The following EFNA5 variants were observed in gnomAD, a reference collection of about 807,000 sequenced individuals.
The protein encoded by EFNA5 is ephrin A5, also known as ephrin-A5.
EFNA5 carries 5 observed loss-of-function variants against 22.9 expected under a neutral mutation model. The ratio of observed to expected loss-of-function variants is 0.22; its 90% CI spans 0.11 to 0.46. The LOEUF is 0.46. EFNA5 is among the 20% of genes least tolerant of loss of function. The pLI, the probability that EFNA5 is intolerant of heterozygous loss-of-function variation, is 0.99. For missense variants in EFNA5, 237 were observed against 293.3 expected (o/e 0.81, Z 1.40); for synonymous variants, 113 against 112.2 (o/e 1.01, Z -0.04).
rs1280732203 is a variant in EFNA5, at chr5:107,670,733, T to C, written c.-120A>G. The C allele has an allele frequency of 2.9e-6, 4 of 1,401,030 alleles. No individual in the cohort carries two copies. Among genetic ancestry groups the C allele is most frequent in the Non-Finnish European group, 3.8e-6 (4 of 1,048,268 alleles). The allele number at this position is 1,401,030 out of a possible 1,614,324, so 86.8% of individuals were successfully genotyped here. A position where few individuals can be genotyped will look rare whatever the true frequency, so the allele number is the denominator to read the frequency against. ...CGGGCGCCAAATAAATATGAATAAA[T>C]AAAAATGAAAGTGGGCGAGAAAGGA... On this transcript the variant is annotated 5_prime_UTR_variant, in exon 1 of 5. Transcript: ENST00000333274.
At chr5:107,457,789 TCTA>T (rs1023203927) in intron 1 of EFNA5, among the ~76,000 whole-genome samples, 13 of 152,188 alleles carry the variant, frequency 8.5e-5, no homozygotes, top group African/African-American at 2.9e-4. Context: ...ACACAATTGT[TCTA>T]CTAATTTAAA....
intron 1 of EFNA5, among the ~76,000 whole-genome samples, chr5:107,502,313 G>A (rs1213450649): frequency 1.3e-5 from 2 of 152,268 alleles, no homozygotes; most frequent in East Asian, 1.9e-4. Flanking sequence ...GACCAGTCTC[G>A]TCTTAGCCAC....
At chr5:107,458,060 C>A (rs977282598) in intron 1 of EFNA5, among the ~76,000 whole-genome samples, 1 of 152,196 alleles carries the variant, frequency 6.6e-6, no homozygotes, top group African/African-American at 2.4e-5. Flanking sequence ...CTAAACCACA[C>A]TATTTTCTAC....
chr5:107,453,409 T>A (rs991406040), intron 1 of EFNA5, among the ~76,000 whole-genome samples: 6 of 152,232 alleles, frequency 3.9e-5, no homozygotes, highest in Non-Finnish European at 7.4e-5. Flanking sequence ...GTCTTATGTA[T>A]GTCATTCTGA....
At chr5:107,458,667 C>T (rs1379299147) in intron 1 of EFNA5, among the ~76,000 whole-genome samples, 4 of 152,068 alleles carry the variant, frequency 2.6e-5, no homozygotes, top group Non-Finnish European at 4.4e-5. Context: ...TGAAAACCTC[C>T]GTATGGGTAT....
At chr5:107,489,660 A>ACCCCCC (rs4011600) in intron 1 of EFNA5, among the ~76,000 whole-genome samples, 2 of 143,170 alleles carry the variant, frequency 1.4e-5, no homozygotes, top group African/African-American at 5.1e-5. Context: ...GACCCCACCT[A>ACCCCCC]CCCCCCCCAC....
intron 2 of EFNA5, among the ~76,000 whole-genome samples, chr5:107,410,772 C>T (rs1748346392): frequency 6.6e-6 from 1 of 152,176 alleles, no homozygotes; most frequent in South Asian, 2.1e-4. Flanking sequence ...CTCAATCTAG[C>T]CTAACTCCCT....
chr5:107,634,280 C>T lies in EFNA5; in HGVS notation c.125+36209G>A, dbSNP rs149804293. Among the ~76,000 whole-genome samples, 6 of 152,168 alleles carry T rather than the reference C, an allele frequency of 3.9e-5. No homozygotes were observed. In the East Asian group the frequency reaches 9.7e-4, roughly 25 times the overall value. ...CGTGTAATCCAAGCACTTTGGAAGGCCAAGCTGGGAGGTTTGCATAGAGGC... is the reference window on the plus strand; with the variant it reads ...CGTGTAATCCAAGCACTTTGGAAGGTCAAGCTGGGAGGTTTGCATAGAGGC... On this transcript the variant is annotated intron_variant, in intron 1 of 4. Coordinates refer to ENST00000333274, the MANE Select transcript of EFNA5 (RefSeq NM_001962.3).
At chr5:107,402,775 G>A (rs1460391587) in intron 2 of EFNA5, among the ~76,000 whole-genome samples, 1 of 152,136 alleles carries the variant, frequency 6.6e-6, no homozygotes, top group South Asian at 2.1e-4. Context: ...GAAATTCTGT[G>A]GCAGGATGCT....
chr5:107,572,478 AG>A (rs532919004), intron 1 of EFNA5, among the ~76,000 whole-genome samples: 20 of 152,298 alleles, frequency 1.3e-4, no homozygotes, highest in South Asian at 1.2e-3. Flanking sequence ...GCTAGGGAGG[AG>A]GGGGCCGCCA....
chr5:107,608,335 T>A (rs1749762968), intron 1 of EFNA5, among the ~76,000 whole-genome samples: 1 of 152,158 alleles, frequency 6.6e-6, no homozygotes, highest in South Asian at 2.1e-4. Flanking sequence ...GATGTAGCCA[T>A]CGATGCAACA....
At chr5:107,653,203 A>G (rs142124577) in intron 1 of EFNA5, among the ~76,000 whole-genome samples, 11 of 152,218 alleles carry the variant, frequency 7.2e-5, no homozygotes, top group South Asian at 6.2e-4. Flanking sequence ...ACTGACCCAA[A>G]GGTTTCACTC....
chr5:107,493,155 T>C lies in EFNA5; in HGVS notation c.126-65646A>G, dbSNP rs1746862675. On this transcript the variant is annotated intron_variant, in intron 1 of 4. Coordinates refer to ENST00000333274, the MANE Select transcript of EFNA5 (RefSeq NM_001962.3). ...TTTGTTACATAATGTCTCTCCAGAA[T>C]AATTACTTTTATTTGTTCACTTTCT... Among the ~76,000 whole-genome samples, 4 of 152,168 alleles carry C rather than the reference T, an allele frequency of 2.6e-5. No homozygotes were observed. The South Asian group carries it at 8.3e-4, about 32-fold the overall frequency.
chr5:107,463,627 G>C (rs1056111999), intron 1 of EFNA5, among the ~76,000 whole-genome samples: 2 of 152,120 alleles, frequency 1.3e-5, no homozygotes, highest in Non-Finnish European at 2.9e-5. Context: ...AGTAAATAAA[G>C]AGGAATTATA....
chr5:107,638,328 G>T (rs1467827235), intron 1 of EFNA5, among the ~76,000 whole-genome samples: 1 of 152,128 alleles, frequency 6.6e-6, no homozygotes, highest in East Asian at 1.9e-4. Flanking sequence ...GTAAAAAGAT[G>T]GTTTCCAGGG....
At chr5:107,405,318 C>T (rs549984696) in intron 2 of EFNA5, among the ~76,000 whole-genome samples, 5 of 152,270 alleles carry the variant, frequency 3.3e-5, no homozygotes, top group East Asian at 1.9e-4. Flanking sequence ...AAATCAGAAA[C>T]GTCTGTTATC....
chr5:107,596,397 G>A lies in EFNA5; in HGVS notation c.125+74092C>T, dbSNP rs1749474806. Among the ~76,000 whole-genome samples the A allele has an allele frequency of 8.5e-5, 13 of 152,080 alleles. No homozygotes were observed. The South Asian group carries it at 2.7e-3, about 32-fold the overall frequency. On this transcript the variant is annotated intron_variant, in intron 1 of 4. Transcript: ENST00000333274. ...TTCTGTGTCTGGCTTATTTCACTTA[G>A]CATAATTTCCTGAAGGCTCATTTGA...
intron 1 of EFNA5, among the ~76,000 whole-genome samples, chr5:107,642,623 C>A (rs1750552328): frequency 6.6e-6 from 1 of 152,120 alleles, no homozygotes; most frequent in Non-Finnish European, 1.5e-5. Flanking sequence ...GCAGTTATAG[C>A]ATTCTCTAAA....
intron 1 of EFNA5, among the ~76,000 whole-genome samples, chr5:107,440,998 C>T (rs1044152410): frequency 1.4e-5 from 2 of 147,634 alleles, no homozygotes; most frequent in African/African-American, 5.0e-5. Context: ...ATTTTGCATG[C>T]TAAAAAAAAA....
Sources: gnomAD v4.1 joint callset for allele counts (sites outside exome capture counted in the v4.1 genomes callset) on GRCh38, gnomAD v4.1.1 for gene constraint, MANE v1.5 for transcripts, NCBI Gene and HGNC (gene_info 2026-07-23, HGNC 2026-07-21) for gene names.